NNT: variants seen among roughly 807,000 people sequenced by gnomAD.
NNT encodes the protein NAD(P) transhydrogenase, mitochondrial.
Under a neutral mutation model 104.8 loss-of-function variants are expected in NNT, and 50 were observed. The observed-to-expected ratio is 0.48, with a 90% CI of 0.38 to 0.60. The LOEUF (loss-of-function observed/expected upper bound fraction) is 0.60. Ranked by LOEUF, NNT falls within the 20% of genes least tolerant of loss-of-function variation. The pLI is 0.00. For synonymous variants in NNT, 461 were observed against 490.4 expected (o/e 0.94, Z 0.79); for missense variants, 1,131 against 1,330.7 (o/e 0.85, Z 2.33).
In NNT at chr5:43,650,624, A is replaced by G. The variant is rs377324300; in HGVS notation, c.1717+37A>G. On this transcript the variant is annotated intron_variant, in intron 12 of 21. Transcript: ENST00000344920. ...GTGAAAGGTCTCAGTACTATTTTCA[A>G]TGGAGACATACAAAGCAAATATAAA... The G allele has an allele frequency of 2.7e-5, 39 of 1,434,784 alleles. No homozygotes were observed. The African/African-American group carries it at 4.7e-4, about 17-fold the overall frequency. The allele number at this position is 1,434,784 out of a possible 1,614,324, so 88.9% of individuals were successfully genotyped here.
intron 2 of NNT, 104 bp from the exon 3 acceptor site, chr5:43,612,804 T>G: frequency 1.3e-6 from 1 of 745,444 alleles, no homozygotes; most frequent in Admixed American, 2.4e-5. Context: ...TGGTATATTT[T>G]GAAGAAAAGA....
At position 43,704,113 on chromosome 5, in the gene NNT, G is replaced by T. The variant is rs924599574; in HGVS notation, c.3112-142G>T. ...TAAACATATGTTAAAAATATTTCTT[G>T]TGTATTTTTAAAGTCCCTGCACTAA... is the stretch of plus-strand genomic sequence containing the variant. On this transcript the variant is annotated intron_variant, in intron 21 of 21. Transcript: ENST00000344920. 5 of 554,476 alleles carry T rather than the reference G, an allele frequency of 9.0e-6. No individual in the cohort carries two copies. In the South Asian group the frequency reaches 2.2e-4, roughly 24 times the overall value. 34.3% of individuals were successfully genotyped at this position (554,476 alleles called of 1,614,324 possible). A position where few individuals can be genotyped will look rare whatever the true frequency, so the allele number is the denominator to read the frequency against.
chr5:43,651,985 A>C, intron 13 of NNT, 101 bp downstream of exon 13: 1 of 1,259,834 alleles, frequency 7.9e-7, no homozygotes, highest in Non-Finnish European at 1.1e-6. Context: ...GAGCAAATAC[A>C]ACTCTGTCAA....
Position 43,649,309 on chromosome 5 carries a change from G to T in NNT, c.1606+1G>T. The T allele has an allele frequency of 6.2e-7, 1 of 1,613,928 alleles. No homozygotes were observed. Among genetic ancestry groups the T allele is most frequent in the Non-Finnish European group, 8.5e-7 (1 of 1,179,888 alleles). On this transcript the variant is annotated splice_donor_variant, in intron 11 of 21. Transcript: ENST00000344920. LOFTEE classifies it high-confidence loss of function. ...ATGTCTGTGACAAATGCAATCTCAGGTTTGTTCCTCTCTTGTTTTTCCTCA... is the reference window on the plus strand; with the variant it reads ...ATGTCTGTGACAAATGCAATCTCAGTTTTGTTCCTCTCTTGTTTTTCCTCA...
chr5:43,676,576 T>C (rs1326797331), intron 18 of NNT, among the ~76,000 whole-genome samples: 3 of 152,180 alleles, frequency 2.0e-5, no homozygotes, highest in Non-Finnish European at 4.4e-5. Flanking sequence ...AGCAGATAAA[T>C]GAAATGTACT....
intron 7 of NNT, among the ~76,000 whole-genome samples, chr5:43,640,839 A>G (rs911287437): frequency 6.6e-6 from 1 of 150,748 alleles, no homozygotes; most frequent in African/African-American, 2.4e-5. Flanking sequence ...TATATAATAT[A>G]TACATTTTCA....
chr5:43,682,127 A>ATTATTTT (rs1412451116), intron 19 of NNT, among the ~76,000 whole-genome samples: 1 of 150,582 alleles, frequency 6.6e-6, no homozygotes, highest in Non-Finnish European at 1.5e-5. Flanking sequence ...TTAAATACAT[A>ATTATTTT]TTATTTTTAC....
intron 12 of NNT, 106 bp downstream of exon 12, chr5:43,650,693 C>A: frequency 1.3e-6 from 1 of 769,290 alleles, no homozygotes; most frequent in Non-Finnish European, 2.1e-6. Context: ...AAATGTTTCA[C>A]TCTGACCGTA....
At position 43,674,714 on chromosome 5, in the gene NNT, G is replaced by C. The variant is rs1380768107; in HGVS notation, c.2635-797G>C. Reference sequence around the variant, plus strand: ...TTCTTTTACTACCCCACCTCCAGAGGTCTACAAATGAACTGTTTTCAAAAC... The same window carrying C: ...TTCTTTTACTACCCCACCTCCAGAGCTCTACAAATGAACTGTTTTCAAAAC... On this transcript the variant is annotated intron_variant, in intron 17 of 21. Coordinates refer to ENST00000344920, the MANE Select transcript of NNT (RefSeq NM_182977.3). 2.0e-5 allele frequency among the ~76,000 whole-genome samples: 3 copies of C among 152,126 alleles called. No individual in the cohort carries two copies. The South Asian group carries it at 6.2e-4, about 32-fold the overall frequency.
At chr5:43,666,657 T>G in intron 17 of NNT, 1 of 604,028 alleles carries the variant, frequency 1.7e-6, no homozygotes, top group Non-Finnish European at 2.9e-6. Flanking sequence ...TGCCTCAGGT[T>G]TATTTGTACA....
At chr5:43,678,121 A>T (rs971049202) in intron 19 of NNT, among the ~76,000 whole-genome samples, 5 of 152,232 alleles carry the variant, frequency 3.3e-5, no homozygotes, top group Non-Finnish European at 7.3e-5. Context: ...ACTATTCCTT[A>T]AGTGGAAGTG....
intron 7 of NNT, among the ~76,000 whole-genome samples, chr5:43,636,282 C>T (rs1412247758): frequency 6.6e-6 from 1 of 152,152 alleles, no homozygotes; most frequent in Non-Finnish European, 1.5e-5. Flanking sequence ...ATCTTACTGA[C>T]TTTTGCAATA....
At chr5:43,696,425 G>T (rs1456591786) in intron 19 of NNT, among the ~76,000 whole-genome samples, 1 of 152,160 alleles carries the variant, frequency 6.6e-6, no homozygotes, top group Non-Finnish European at 1.5e-5. Context: ...CTCCCTCCTG[G>T]CTGCTTTCAT....
Position 43,678,653 on chromosome 5 carries a change from G to A in NNT, c.2876+847G>A, listed in dbSNP as rs572881550. On this transcript the variant is annotated intron_variant, in intron 19 of 21. Transcript: ENST00000344920. ...GGTCTTAAAAGAGAGGCCTTGAAGAGCAAGACCAAGTAATAAACCTGTGCC... is the reference window on the plus strand; with the variant it reads ...GGTCTTAAAAGAGAGGCCTTGAAGAACAAGACCAAGTAATAAACCTGTGCC... Among the ~76,000 whole-genome samples, 5 of 152,266 alleles carry A rather than the reference G, an allele frequency of 3.3e-5. No homozygotes were observed. The South Asian group carries it at 1.0e-3, about 32-fold the overall frequency.
At chr5:43,649,655 A>G (rs1466509109) in intron 11 of NNT, among the ~76,000 whole-genome samples, 1 of 151,772 alleles carries the variant, frequency 6.6e-6, no homozygotes, top group Non-Finnish European at 1.5e-5. Flanking sequence ...TAGCTGCAAC[A>G]TCCTATAGGG....
chr5:43,629,497 G>T (rs1176357741), intron 7 of NNT, among the ~76,000 whole-genome samples: 1 of 152,172 alleles, frequency 6.6e-6, no homozygotes, highest in Non-Finnish European at 1.5e-5. Flanking sequence ...ATACCAAGTA[G>T]TGAGACTGCT....
chr5:43,687,931 T>C (rs569298622), intron 19 of NNT, among the ~76,000 whole-genome samples: 53 of 152,184 alleles, frequency 3.5e-4, no homozygotes, highest in African/African-American at 1.3e-3. Context: ...ACAAAAACAG[T>C]ATTAAAAACA....
chr5:43,609,021 T>C (rs1329140257), intron 1 of NNT, 122 bp from the exon 2 acceptor site: 5 of 471,502 alleles, frequency 1.1e-5, no homozygotes, highest in Non-Finnish European at 1.1e-5. Flanking sequence ...TCTTTATAGA[T>C]GTCTACATGT....
At chr5:43,696,453 C>G (rs1015579326) in intron 19 of NNT, among the ~76,000 whole-genome samples, 2 of 152,176 alleles carry the variant, frequency 1.3e-5, no homozygotes, top group African/African-American at 2.4e-5. Flanking sequence ...CATTGAGTTT[C>G]TGCAGATTTT....
Sources: gnomAD v4.1 joint callset for allele counts (sites outside exome capture counted in the v4.1 genomes callset) on GRCh38, gnomAD v4.1.1 for gene constraint, MANE v1.5 for transcripts, NCBI Gene and HGNC (gene_info 2026-07-23, HGNC 2026-07-21) for gene names.